Variants in TG observed in about 807,000 individuals in gnomAD.
TG encodes the protein thyroglobulin.
A neutral mutation model predicts 324.7 loss-of-function variants in TG; 270 were observed. That is an observed-to-expected ratio of 0.83 (90% CI 0.75 to 0.92). TG has a LOEUF of 0.92. Ranked by LOEUF, TG falls within the 40% of genes least tolerant of loss-of-function variation. The pLI is 0.00. For synonymous variants in TG, 1,401 were observed against 1,327.0 expected (o/e 1.06, Z -1.21); for missense variants, 3,591 against 3,456.4 (o/e 1.04, Z -0.98).
intron 47 of TG, 148 bp from the exon 48 acceptor site, chr8:133,134,528 G>T (rs1256556041): frequency 4.0e-6 from 3 of 748,298 alleles, no homozygotes; most frequent in Admixed American, 1.9e-5. Flanking sequence ...GACCCATCTG[G>T]CACCTCAGCC....
At chr8:132,960,735 T>C (rs139274453) in intron 27 of TG, among the ~76,000 whole-genome samples, 197 of 152,298 alleles carry the variant, frequency 1.3e-3, no homozygotes, top group African/African-American at 4.4e-3. Flanking sequence ...CTCCAGTTCT[T>C]TAAGTGACTC....
intron 30 of TG, among the ~76,000 whole-genome samples, chr8:132,967,205 ACCATCCATCCATCCATCCATCCAT>A (rs370535189): frequency 9.9e-6 from 1 of 101,166 alleles, no homozygotes. Flanking sequence ...ATCCCATCCA[ACCATCCATCCATCCATCCATCCAT>A]CCATCCATCC....
rs750918282 is a variant in TG, at chr8:132,933,621, C to T, written c.4877C>T (p.Ser1626Phe). The T allele has an allele frequency of 2.7e-5, 44 of 1,614,020 alleles. No homozygotes were observed. In the Admixed American group the frequency reaches 7.2e-4, roughly 26 times the overall value. The change falls in exon 24 of 48, where the codon TCC becomes TTC. Residue 1626 changes from serine (S) to phenylalanine (F), a missense_variant. Physicochemically the swap from Ser to Phe is radical, Grantham distance 155 (BLOSUM62 -2). Coordinates refer to ENST00000220616, the MANE Select transcript of TG (RefSeq NM_003235.5). ...GTGTCCACGACGGAGCCAGAGATTT[C>T]CTGTGATTTCTATGCTTGGACAAGT... is the stretch of plus-strand genomic sequence containing the variant. ...FTVSTTEPEI[S>F]CDFYAWTSDN...
rs375996100 is a variant in TG at position 132,893,777 on chromosome 8, G to T, written c.2849G>T (p.Arg950Leu). 9 of 1,613,962 alleles carry T rather than the reference G, an allele frequency of 5.6e-6. No individual in the cohort carries two copies. In the African/African-American group the frequency reaches 1.1e-4, roughly 19 times the overall value. The change falls in exon 11 of 48, where the codon CGG becomes CTG. Residue 950 changes from arginine (R) to leucine (L), a missense_variant. By Grantham distance (102) the Arg-to-Leu change is moderately radical. Transcript: ENST00000220616. The part of the protein sequence containing the change: ...EEIVSASNSS[R>L]FPLGESFLVA... ...ATTGTTTCAGCTTCCAACAGTTCTC[G>T]GTTCCCTCTGGGGGAGAGTTTCCTG...
intron 41 of TG, among the ~76,000 whole-genome samples, chr8:133,092,189 T>C (rs1342301639): frequency 6.6e-6 from 1 of 152,206 alleles, no homozygotes; most frequent in Non-Finnish European, 1.5e-5. Context: ...TGCGTGAGTG[T>C]GTCTCCATCT....
intron 43 of TG, among the ~76,000 whole-genome samples, chr8:133,107,568 C>T (rs1198585405): frequency 6.6e-6 from 1 of 152,182 alleles, no homozygotes; most frequent in South Asian, 2.1e-4. Context: ...CTCGGGGCCT[C>T]GCCAATCATG....
At chr8:133,134,143 G>A (rs1852171017) in intron 47 of TG, among the ~76,000 whole-genome samples, 1 of 152,196 alleles carries the variant, frequency 6.6e-6, no homozygotes, top group South Asian at 2.1e-4. Flanking sequence ...GGAATAGAGA[G>A]TAAACACAAT....
chr8:133,053,143 C>T (rs1840735079), intron 41 of TG, among the ~76,000 whole-genome samples: 1 of 152,146 alleles, frequency 6.6e-6, no homozygotes, highest in Admixed American at 6.5e-5. Flanking sequence ...CCACCTTTGT[C>T]AACTCTAAAC....
At position 132,923,359 on chromosome 8, in the gene TG, A is replaced by ACGAAGCAG; in HGVS notation, c.4551_4558dup (p.Gly1520AlafsTer50). ...CTAGGTGTCACTGACTGTCAGAGGA[A>ACGAAGCAG]CGAAGCAGGCCTGCAATGTGACCAG... On this transcript the variant is annotated frameshift_variant, in exon 22 of 48. Coordinates refer to ENST00000220616, the MANE Select transcript of TG (RefSeq NM_003235.5). LOFTEE classifies it high-confidence loss of function. 1 of 1,614,114 alleles carries ACGAAGCAG rather than the reference A, an allele frequency of 6.2e-7. No individual in the cohort carries two copies. The highest frequency in any genetic ancestry group is 8.5e-7 in the Non-Finnish European group (1 of 1,180,024).
At chr8:133,132,132 T>G (rs1851990472) in intron 46 of TG, among the ~76,000 whole-genome samples, 186 bp downstream of exon 46, 1 of 152,188 alleles carries the variant, frequency 6.6e-6, no homozygotes, top group South Asian at 2.1e-4. Context: ...TTGCATACAT[T>G]AATCTTCATG....
At chr8:132,988,986 C>T in intron 35 of TG, 1 of 772,922 alleles carries the variant, frequency 1.3e-6, no homozygotes, top group South Asian at 5.9e-5. Flanking sequence ...GGACTCACAG[C>T]TCCATGTGGC....
intron 33 of TG, chr8:132,972,225 G>C: frequency 2.2e-6 from 1 of 450,362 alleles, no homozygotes; most frequent in Non-Finnish European, 4.1e-6. Context: ...TTACTAGTGT[G>C]TGATTCTGGA....
chr8:133,079,853 C>G (rs1845479127), intron 41 of TG, among the ~76,000 whole-genome samples: 1 of 151,922 alleles, frequency 6.6e-6, no homozygotes, highest in Non-Finnish European at 1.5e-5. Flanking sequence ...TGCTATAAAA[C>G]TGTTGATGGG....
chr8:133,121,537 C>G (rs748549753), intron 45 of TG, among the ~76,000 whole-genome samples: 15 of 152,146 alleles, frequency 9.9e-5, no homozygotes, highest in Non-Finnish European at 1.8e-4. Context: ...AGCGGTATTG[C>G]TATTCTTATG....
At chr8:133,003,751 C>A (rs1303085296) in intron 35 of TG, among the ~76,000 whole-genome samples, 1 of 152,122 alleles carries the variant, frequency 6.6e-6, no homozygotes, top group South Asian at 2.1e-4. Context: ...TCACCTCCTG[C>A]CTCTTTGCTG....
chr8:133,093,517 A>G (rs1255779127), intron 41 of TG, among the ~76,000 whole-genome samples: 1 of 152,132 alleles, frequency 6.6e-6, no homozygotes, highest in Non-Finnish European at 1.5e-5. Context: ...TCTGGAGTCT[A>G]TGGACCTAGT....
At chr8:132,997,219 G>A (rs1489670883) in intron 35 of TG, among the ~76,000 whole-genome samples, 1 of 152,202 alleles carries the variant, frequency 6.6e-6, no homozygotes, top group East Asian at 1.9e-4. Context: ...ATGGCTGGTG[G>A]TGCCAATTCC....
chr8:133,015,978 T>G (rs2130909191), intron 37 of TG, among the ~76,000 whole-genome samples: 1 of 152,244 alleles, frequency 6.6e-6, no homozygotes, highest in African/African-American at 2.4e-5. Flanking sequence ...AATTCCTTCC[T>G]TTTTTCCTTC....
chr8:132,946,063 CACACACA>C (rs764871307), intron 26 of TG, among the ~76,000 whole-genome samples: 1 of 151,366 alleles, frequency 6.6e-6, no homozygotes, highest in Non-Finnish European at 1.5e-5. Context: ...CACACACACA[CACACACA>C]CACCCTATAT....
Sources: gnomAD v4.1 joint callset for allele counts (sites outside exome capture counted in the v4.1 genomes callset) on GRCh38, gnomAD v4.1.1 for gene constraint, MANE v1.5 for transcripts, NCBI Gene and HGNC (gene_info 2026-07-23, HGNC 2026-07-21) for gene names.